Variants in NRG3 observed in about 807,000 individuals in gnomAD.
NRG3 encodes pro-neuregulin-3, membrane-bound isoform.
NRG3 carries 31 observed loss-of-function variants against 66.9 expected under a neutral mutation model. The ratio of observed to expected loss-of-function variants is 0.46; its 90% CI spans 0.35 to 0.63. The LOEUF (loss-of-function observed/expected upper bound fraction) is 0.63. Ranked by LOEUF, NRG3 falls within the 20% of genes least tolerant of loss-of-function variation. NRG3 has a pLI of 0.00. For synonymous variants in NRG3, 393 were observed against 359.4 expected (o/e 1.09, Z -1.06); for missense variants, 910 against 878.9 (o/e 1.04, Z -0.45).
At chr10:82,391,189 A>G (rs1200457173) in intron 2 of NRG3, among the ~76,000 whole-genome samples, 1 of 152,152 alleles carries the variant, frequency 6.6e-6, no homozygotes, top group Admixed American at 6.6e-5. Context: ...TGTTTATCAA[A>G]CACTTGAGAG....
chr10:82,919,599 GA>G (rs1447815463), intron 4 of NRG3, among the ~76,000 whole-genome samples: 1 of 151,980 alleles, frequency 6.6e-6, no homozygotes, highest in African/African-American at 2.4e-5. Context: ...TGATCCCTAG[GA>G]AAAAACAGTG....
intron 1 of NRG3, among the ~76,000 whole-genome samples, chr10:81,910,699 G>T (rs1420672370): frequency 6.6e-6 from 1 of 152,166 alleles, no homozygotes; most frequent in African/African-American, 2.4e-5. Flanking sequence ...GCAGGCTGGA[G>T]TGCAGTGGCG....
intron 2 of NRG3, among the ~76,000 whole-genome samples, chr10:82,667,802 C>T (rs2052920988): frequency 1.3e-5 from 2 of 152,084 alleles, no homozygotes; most frequent in African/African-American, 4.8e-5. Flanking sequence ...TTTGTTCACC[C>T]CAAGAACAGC....
At chr10:82,755,902 A>G (rs1591422622) in intron 3 of NRG3, among the ~76,000 whole-genome samples, 1 of 152,128 alleles carries the variant, frequency 6.6e-6, no homozygotes, top group Non-Finnish European at 1.5e-5. Flanking sequence ...CTTGTAAACC[A>G]TGTTGTCCCT....
chr10:82,078,420 G>A (rs986830518), intron 1 of NRG3, among the ~76,000 whole-genome samples: 2 of 152,218 alleles, frequency 1.3e-5, no homozygotes, highest in African/African-American at 2.4e-5. Flanking sequence ...GCACGATCTC[G>A]GCTCACTGCA....
intron 1 of NRG3, among the ~76,000 whole-genome samples, chr10:81,885,935 T>C (rs543283243): frequency 6.6e-5 from 10 of 152,166 alleles, no homozygotes; most frequent in Non-Finnish European, 1.3e-4. Context: ...TTATATTAAA[T>C]GATAGCTTGA....
At chr10:82,844,462 T>A (rs1459042059) in intron 3 of NRG3, among the ~76,000 whole-genome samples, 1 of 152,176 alleles carries the variant, frequency 6.6e-6, no homozygotes. Flanking sequence ...GCAGTATGTA[T>A]CTTGAATCCC....
At chr10:82,795,133 T>TGG (rs2060746299) in intron 3 of NRG3, among the ~76,000 whole-genome samples, 1 of 152,224 alleles carries the variant, frequency 6.6e-6, no homozygotes, top group African/African-American at 2.4e-5. Context: ...TATCTTCAAA[T>TGG]AAATGATTGA....
At chr10:82,421,307 G>A (rs1347522760) in intron 2 of NRG3, among the ~76,000 whole-genome samples, 2 of 152,026 alleles carry the variant, frequency 1.3e-5, no homozygotes, top group Admixed American at 6.6e-5. Flanking sequence ...CAGAATTTGG[G>A]AAACATCTTG....
At chr10:82,837,795 G>GA (rs1250602244) in intron 3 of NRG3, among the ~76,000 whole-genome samples, 3 of 152,084 alleles carry the variant, frequency 2.0e-5, no homozygotes, top group Admixed American at 6.6e-5. Flanking sequence ...AAATGCTGCT[G>GA]AAAAAATGCT....
intron 1 of NRG3, among the ~76,000 whole-genome samples, chr10:81,999,745 C>T (rs1408191547): frequency 6.6e-6 from 1 of 152,032 alleles, no homozygotes; most frequent in African/African-American, 2.4e-5. Context: ...AAAGTACTGG[C>T]AATAGTTTTA....
chr10:82,523,577 T>C (rs528460735), intron 2 of NRG3, among the ~76,000 whole-genome samples: 1 of 152,270 alleles, frequency 6.6e-6, no homozygotes, highest in South Asian at 2.1e-4. Flanking sequence ...GTTATTTGCC[T>C]TTTTTCATTA....
At chr10:82,561,319 T>G (rs1207936109) in intron 2 of NRG3, among the ~76,000 whole-genome samples, 1 of 152,164 alleles carries the variant, frequency 6.6e-6, no homozygotes, top group Non-Finnish European at 1.5e-5. Context: ...GCTTTAAAAT[T>G]TACAGTATGC....
At chr10:82,239,633 T>C (rs2076921077) in intron 1 of NRG3, among the ~76,000 whole-genome samples, 1 of 152,216 alleles carries the variant, frequency 6.6e-6, no homozygotes, top group African/African-American at 2.4e-5. Flanking sequence ...CAAATATCCT[T>C]CTTCATTCTG....
At chr10:82,835,987 C>A (rs897244823) in intron 3 of NRG3, among the ~76,000 whole-genome samples, 3 of 152,106 alleles carry the variant, frequency 2.0e-5, no homozygotes, top group Non-Finnish European at 4.4e-5. Flanking sequence ...CACCTTCAGG[C>A]CAAATCTGGT....
At chr10:82,428,279 G>A (rs2089576194) in intron 2 of NRG3, among the ~76,000 whole-genome samples, 1 of 151,694 alleles carries the variant, frequency 6.6e-6, no homozygotes, top group Admixed American at 6.6e-5. Flanking sequence ...ATATGTTTAG[G>A]TTTTGATTTG....
At chr10:82,496,715 C>T (rs1409378023) in intron 2 of NRG3, among the ~76,000 whole-genome samples, 2 of 152,056 alleles carry the variant, frequency 1.3e-5, no homozygotes, top group Middle Eastern at 3.2e-3. Context: ...ACTTTTCCTC[C>T]CATTGTTAAA....
At chr10:81,970,708 G>A (rs562615138) in intron 1 of NRG3, among the ~76,000 whole-genome samples, 2 of 152,106 alleles carry the variant, frequency 1.3e-5, no homozygotes, top group South Asian at 4.2e-4. Context: ...GCTAGACCAA[G>A]GTATGGAGAG....
rs570112228 is a variant in NRG3, at chr10:82,670,898, T to C, written c.954-67679T>C. ...TGCAACCTGGCATCTCCTCTCTACC[T>C]GCAATTCTCTGCATTTCCCATCAAT... On this transcript the variant is annotated intron_variant, in intron 2 of 8. Transcript: ENST00000372141. Among the ~76,000 whole-genome samples, 3 of 152,328 alleles carry C rather than the reference T, an allele frequency of 2.0e-5. No individual in the cohort carries two copies. In the South Asian group the frequency reaches 6.2e-4, roughly 32 times the overall value.
Sources: allele counts gnomAD v4.1 joint callset (sites outside exome capture counted in the v4.1 genomes callset), GRCh38; gene constraint gnomAD v4.1.1; transcripts MANE v1.5; gene names NCBI Gene and HGNC (gene_info 2026-07-23, HGNC 2026-07-21).